The following IGSF21 variants were observed in gnomAD, a reference collection of about 807,000 sequenced individuals.
The protein encoded by IGSF21 is immunoglobin superfamily member 21.
A neutral mutation model predicts 46.8 loss-of-function variants in IGSF21; 28 were observed. The observed-to-expected ratio is 0.60, with a 90% CI of 0.44 to 0.82. The LOEUF is 0.82. Ranked by LOEUF, IGSF21 falls within the 40% of genes least tolerant of loss-of-function variation. The probability of loss-of-function intolerance (pLI) is 0.00; values close to 1 mark genes in which losing one functional copy is unlikely to be tolerated. For synonymous variants in IGSF21, 284 were observed against 273.6 expected, an observed-to-expected ratio of 1.04 and a Z score of -0.38; for missense variants, 624 against 665.5, an observed-to-expected ratio of 0.94 and a Z score of 0.69.
intron 1 of IGSF21, chr1:18,113,446 C>T (rs2086160610): frequency 6.6e-6 from 1 of 152,108 alleles, no homozygotes; most frequent in Non-Finnish European, 1.5e-5. Flanking sequence ...AGAGACAGGT[C>T]GTGGGCAGGG....
At chr1:18,126,304 G>A (rs933421149) in intron 1 of IGSF21, among the ~76,000 whole-genome samples, 2 of 152,220 alleles carry the variant, frequency 1.3e-5, no homozygotes, top group Admixed American at 6.5e-5. Flanking sequence ...ATTTGAAAAT[G>A]AGTGGGCTGG....
chr1:18,273,406 T>C (rs1171801597), intron 2 of IGSF21, among the ~76,000 whole-genome samples: 1 of 148,136 alleles, frequency 6.8e-6, no homozygotes, highest in African/African-American at 2.5e-5. Flanking sequence ...TTTCCTTTCC[T>C]TTCCTTTCTT....
chr1:18,273,037 A>ATCTTTTTTTTTTT (rs2085057870), intron 2 of IGSF21, among the ~76,000 whole-genome samples: 1 of 90,202 alleles, frequency 1.1e-5, no homozygotes, highest in African/African-American at 4.7e-5. Flanking sequence ...AGCCAGACGG[A>ATCTTTTTTTTTTT]TCTTTTTTTT....
intron 2 of IGSF21, among the ~76,000 whole-genome samples, chr1:18,230,489 T>C (rs1453311241): frequency 2.0e-5 from 3 of 152,152 alleles, no homozygotes; most frequent in Non-Finnish European, 4.4e-5. Context: ...GCAAATCACA[T>C]GCAAATCACC....
intron 2 of IGSF21, among the ~76,000 whole-genome samples, chr1:18,242,301 C>A (rs1301679792): frequency 1.3e-5 from 2 of 152,184 alleles, no homozygotes; most frequent in Non-Finnish European, 2.9e-5. Flanking sequence ...ATGCCCCTCC[C>A]AAGCTGGACT....
At chr1:18,340,508 TGACAATAA>T (rs1026115788) in intron 4 of IGSF21, among the ~76,000 whole-genome samples, 2 of 152,206 alleles carry the variant, frequency 1.3e-5, no homozygotes, top group African/African-American at 4.8e-5. Context: ...GTGGATACAC[TGACAATAA>T]GACAAGGTCC....
At chr1:18,151,256 GAC>G (rs2086519376) in intron 1 of IGSF21, among the ~76,000 whole-genome samples, 2 of 152,152 alleles carry the variant, frequency 1.3e-5, no homozygotes, top group Non-Finnish European at 2.9e-5. Flanking sequence ...ACCTCTTCTT[GAC>G]ACAGCACAGT....
intron 1 of IGSF21, among the ~76,000 whole-genome samples, chr1:18,205,406 C>T (rs989584513): frequency 1.3e-5 from 2 of 152,070 alleles, no homozygotes; most frequent in Non-Finnish European, 2.9e-5. Context: ...TAGGAAGCTA[C>T]CTTTCCAGCG....
chr1:18,190,013 G>T (rs966599661), intron 1 of IGSF21, among the ~76,000 whole-genome samples: 2 of 152,202 alleles, frequency 1.3e-5, no homozygotes, highest in Admixed American at 1.3e-4. Flanking sequence ...GGGGGATGGG[G>T]ACTCCTCCCT....
At chr1:18,352,103 G>A (rs957705583) in intron 4 of IGSF21, among the ~76,000 whole-genome samples, 1 of 152,180 alleles carries the variant, frequency 6.6e-6, no homozygotes, top group Non-Finnish European at 1.5e-5. Flanking sequence ...TCCAATCAGC[G>A]TATAGGGCCA....
chr1:18,289,220 T>TA lies in IGSF21; in HGVS notation c.184-2640dup, dbSNP rs1320711537. On this transcript the variant is annotated intron_variant, in intron 2 of 9. Coordinates refer to ENST00000251296, the MANE Select transcript of IGSF21 (RefSeq NM_032880.5). Reference sequence around the variant, plus strand: ...AGGGCTGCCGCATTTTAGGAGGAGATAAAAAAGCAGTACCTGAAGGGAGGT... The same window carrying TA: ...AGGGCTGCCGCATTTTAGGAGGAGATAAAAAAAGCAGTACCTGAAGGGAGGT... Among the ~76,000 whole-genome samples the TA allele has an allele frequency of 3.3e-5, 5 of 152,190 alleles. No homozygotes were observed. In the South Asian group the frequency reaches 1.0e-3, roughly 32 times the overall value.
intron 2 of IGSF21, among the ~76,000 whole-genome samples, chr1:18,264,176 C>T (rs1341843358): frequency 6.6e-6 from 1 of 152,170 alleles, no homozygotes; most frequent in African/African-American, 2.4e-5. Flanking sequence ...GCAGTCCCCT[C>T]CTTCTGTATG....
intron 1 of IGSF21, among the ~76,000 whole-genome samples, chr1:18,154,700 G>T (rs2124437268): frequency 1.3e-5 from 2 of 152,164 alleles, no homozygotes; most frequent in Admixed American, 1.3e-4. Flanking sequence ...TCCAGGCAGA[G>T]AACACAAGAG....
chr1:18,147,772 C>G (rs1031120657), intron 1 of IGSF21, among the ~76,000 whole-genome samples: 26 of 152,120 alleles, frequency 1.7e-4, no homozygotes, highest in Non-Finnish European at 3.1e-4. Flanking sequence ...CTATTATTAT[C>G]TCCATTTTTA....
In IGSF21 at chr1:18,377,002, G is replaced by C. The variant is rs141064149; in HGVS notation, c.1294+10G>C. 1.2e-5 allele frequency: 19 copies of C among 1,580,638 alleles called. No homozygotes were observed. In the Admixed American group the frequency reaches 2.9e-4, roughly 24 times the overall value. On this transcript the variant is annotated intron_variant, in intron 8 of 9. Transcript: ENST00000251296. Reference sequence around the variant, plus strand: ...CGGCTCATCGTGTTTGGTATGGCGCGCTCAACTGGGGACTGGGAGAACAAC... The same window carrying C: ...CGGCTCATCGTGTTTGGTATGGCGCCCTCAACTGGGGACTGGGAGAACAAC...
intron 1 of IGSF21, among the ~76,000 whole-genome samples, chr1:18,135,045 T>G (rs2124420203): frequency 6.6e-6 from 1 of 152,284 alleles, no homozygotes; most frequent in African/African-American, 2.4e-5. Context: ...GCTGGGGTAT[T>G]GAGCTCCTGT....
intron 2 of IGSF21, among the ~76,000 whole-genome samples, chr1:18,242,032 C>T (rs906118883): frequency 2.0e-5 from 3 of 152,176 alleles, no homozygotes; most frequent in Non-Finnish European, 4.4e-5. Context: ...AGCTTCTGGA[C>T]ATGGCTGCTT....
chr1:18,179,338 C>T (rs900701168), intron 1 of IGSF21: 4 of 152,210 alleles, frequency 2.6e-5, no homozygotes, highest in African/African-American at 9.6e-5. Context: ...AGACTCCCAC[C>T]CCCATCCCTC....
At chr1:18,341,681 G>GC (rs1208743858) in intron 4 of IGSF21, among the ~76,000 whole-genome samples, 9 of 152,306 alleles carry the variant, frequency 5.9e-5, no homozygotes, top group African/African-American at 1.9e-4. Flanking sequence ...ACATCACCCA[G>GC]CCAGTGTGTG....
Sources: allele counts gnomAD v4.1 joint callset (sites outside exome capture counted in the v4.1 genomes callset), GRCh38; gene constraint gnomAD v4.1.1; transcripts MANE v1.5; gene names NCBI Gene and HGNC (gene_info 2026-07-23, HGNC 2026-07-21).